DNAH2: variants seen among roughly 807,000 people sequenced by gnomAD.
DNAH2 encodes the protein dynein axonemal heavy chain 2.
A neutral mutation model predicts 523.5 loss-of-function variants in DNAH2; 323 were observed. The observed-to-expected ratio is 0.62, with a 90% confidence interval of 0.56 to 0.68. The LOEUF is 0.68. DNAH2 is among the 30% of genes least tolerant of loss of function. The probability of loss-of-function intolerance (pLI) is 0.00; values close to 1 mark genes in which losing one functional copy is unlikely to be tolerated. For missense variants in DNAH2, 4,907 were observed against 5,701.5 expected (o/e 0.86, Z 4.49); for synonymous variants, 2,093 against 2,177.4 (o/e 0.96, Z 1.08).
chr17:7,820,851 C>T (rs2077831423), intron 72 of DNAH2, among the ~76,000 whole-genome samples: 1 of 152,118 alleles, frequency 6.6e-6, no homozygotes, highest in Non-Finnish European at 1.5e-5. Context: ...ACCAGACTGC[C>T]AACATGGTGA....
chr17:7,721,955 A>G (rs1359839033), intron 2 of DNAH2, among the ~76,000 whole-genome samples: 2 of 152,160 alleles, frequency 1.3e-5, no homozygotes, highest in Admixed American at 1.3e-4. Flanking sequence ...TAACCTCAGT[A>G]CTAACCGCCT....
In DNAH2 at chr17:7,758,540, G is replaced by T; in HGVS notation, c.2097G>T (p.Glu699Asp). 6.2e-7 allele frequency: 1 copy of T among 1,614,094 alleles called. No homozygotes were observed. The highest frequency in any genetic ancestry group is 1.1e-5 in the South Asian group (1 of 91,066). The change falls in exon 14 of 86, where the codon GAG becomes GAT. Residue 699 changes from glutamate (E) to aspartate (D), a missense_variant. By Grantham distance (45) the Glu-to-Asp change is conservative. This residue lies in a region of DNAH2 where 2,806 missense variants were observed against 3,190.8 expected (regional missense o/e 0.88). Transcript: ENST00000572933. Reference protein sequence around the residue: ...LSPDEQALFKERIRLLDKKIH... With the variant: ...LSPDEQALFKDRIRLLDKKIH... ...CAGATGAGCAGGCCCTATTCAAAGA[G>T]CGTATTCGGCTCCTGGATAAGAAGA...
chr17:7,758,178 A>G lies in DNAH2; in HGVS notation c.2052-317A>G, dbSNP rs138674201. Among the ~76,000 whole-genome samples, 546 of 152,282 alleles carry G rather than the reference A, an allele frequency of 3.6e-3. 3 individuals carry two copies. The highest frequency in any genetic ancestry group is 0.012 in the African/African-American group (515 of 41,556). On this transcript the variant is annotated intron_variant, in intron 13 of 85. Coordinates refer to ENST00000572933, the MANE Select transcript of DNAH2 (RefSeq NM_020877.5). Reference sequence around the variant, plus strand: ...AATAAACTTAAAAATTTGATTACTCATTGGTACAGGCCACATTTCAAATGC... The same window carrying G: ...AATAAACTTAAAAATTTGATTACTCGTTGGTACAGGCCACATTTCAAATGC...
intron 31 of DNAH2, 52 bp from the exon 32 acceptor site, chr17:7,776,727 G>A: frequency 2.8e-6 from 4 of 1,452,730 alleles, no homozygotes; most frequent in East Asian, 4.7e-5. Flanking sequence ...GAGCTGGGCT[G>A]TGCGTGTAGC....
rs71387992 is a variant in DNAH2 at position 7,725,425 on chromosome 17, A to AATATATATATATATAT, written c.229-1696_229-1681dup. ...TTTTATTTGTATTTGACTTCAAGTG[A>AATATATATATATATAT]ATATATATATATATATTTTCTTTTT... On this transcript the variant is annotated intron_variant, in intron 3 of 85. Transcript: ENST00000572933. 6.9e-4 allele frequency among the ~76,000 whole-genome samples: 86 copies of AATATATATATATATAT among 124,934 alleles called. 1 individual carries two copies. The highest frequency in any genetic ancestry group is 1.0e-3 in the Admixed American group (13 of 12,510). 82.0% of individuals were successfully genotyped at this position (124,934 alleles called of 152,430 possible).
intron 18 of DNAH2, among the ~76,000 whole-genome samples, chr17:7,762,884 TCAAA>T (rs1367198080): frequency 6.9e-6 from 1 of 143,970 alleles, no homozygotes; most frequent in Non-Finnish European, 1.5e-5. Flanking sequence ...AAACCGAGAC[TCAAA>T]CAGTTAAAAA....
rs2075986887 is a variant in DNAH2, at chr17:7,760,902, C to T, written c.2948C>T (p.Pro983Leu). 1 of 1,614,042 alleles carries T rather than the reference C, an allele frequency of 6.2e-7. No homozygotes were observed. Among genetic ancestry groups the T allele is most frequent in the African/African-American group, 1.3e-5 (1 of 74,926 alleles). Residue 983 changes from proline (P) to leucine (L), a missense_variant, in exon 18 of 86, where the codon CCT (proline) becomes CTT (leucine). Physicochemically the swap from Pro to Leu is moderately conservative, Grantham distance 98. This residue lies in a region of DNAH2 where 2,806 missense variants were observed against 3,190.8 expected (regional missense o/e 0.88). Transcript: ENST00000572933. This position sits in a 1 kb window ranked among gnomAD's most constrained non-coding sequence, Gnocchi z 4.0. ...CATCGCTACCAGCGCCTCAACCCTCCTGTCTCTTCTTTTGTTGCCGACATT... is the reference window on the plus strand; with the variant it reads ...CATCGCTACCAGCGCCTCAACCCTCTTGTCTCTTCTTTTGTTGCCGACATT... Reference protein sequence around the residue: ...FIHRYQRLNPPVSSFVADIAR... With the variant: ...FIHRYQRLNPLVSSFVADIAR...
At position 7,718,685 on chromosome 17, in the gene DNAH2, G is replaced by C. The variant is rs2074497690; in HGVS notation, c.-129G>C. On this transcript the variant is annotated 5_prime_UTR_variant, in exon 1 of 86. It removes an upstream start codon present in the reference 5' UTR. Transcript: ENST00000572933. ...TCAGGGCATTTTGAGTCAAATAAAT[G>C]ATCCTGACTGATCTTAACCATTAGC... 1 of 152,662 alleles carries C rather than the reference G, an allele frequency of 6.6e-6. No individual in the cohort carries two copies. Among genetic ancestry groups the C allele is most frequent in the Non-Finnish European group, 1.5e-5 (1 of 68,056 alleles). The allele number at this position is 152,662 out of a possible 1,614,324, so 9.5% of individuals were successfully genotyped here.
At position 7,765,570 on chromosome 17, in the gene DNAH2, T is replaced by C. The variant is rs375042278; in HGVS notation, c.3511+5T>C. The C allele has an allele frequency of 6.2e-7, 1 of 1,610,070 alleles. No individual in the cohort carries two copies. Among genetic ancestry groups the C allele is most frequent in the African/African-American group, 1.3e-5 (1 of 74,966 alleles). On this transcript the variant is annotated splice_donor_5th_base_variant and intron_variant, in intron 21 of 85. Coordinates refer to ENST00000572933, the MANE Select transcript of DNAH2 (RefSeq NM_020877.5). ...TGGAAGATTTCGAATTCAAAGGTAC[T>C]CCTTGATCCACCTCTCCCGCTTCTT...
chr17:7,733,173 G>A lies in DNAH2; in HGVS notation c.486G>A (p.Thr162=), dbSNP rs948458218. The part of the protein sequence containing the change: ...ENFEATVQFG[T]VRGPYIPALL... ...TCGAGGCAACTGTGCAGTTTGGGAC[G>A]GTGCGGGGCCCCTATATCCCGGCCC... Residue 162 remains threonine, a synonymous_variant, in exon 5 of 86, where the codon ACG becomes ACA. Coordinates refer to ENST00000572933, the MANE Select transcript of DNAH2 (RefSeq NM_020877.5). 8.1e-6 allele frequency: 13 copies of A among 1,614,078 alleles called. No individual in the cohort carries two copies. Among genetic ancestry groups the A allele is most frequent in the Admixed American group, 1.7e-5 (1 of 59,994 alleles).
At chr17:7,801,307 G>A (rs2077216861) in intron 56 of DNAH2, among the ~76,000 whole-genome samples, 1 of 152,140 alleles carries the variant, frequency 6.6e-6, no homozygotes, top group Non-Finnish European at 1.5e-5. Flanking sequence ...TCCCATTTTA[G>A]AGACGAGGAA....
chr17:7,818,129 G>T, intron 68 of DNAH2, 33 bp downstream of exon 68: 1 of 1,608,182 alleles, frequency 6.2e-7, no homozygotes, highest in Non-Finnish European at 8.5e-7. Flanking sequence ...AGCCAAGTGG[G>T]ATGCTAGGGA....
chr17:7,792,556 C>A (rs140921199), intron 46 of DNAH2, 101 bp from the exon 47 acceptor site: 2 of 1,101,242 alleles, frequency 1.8e-6, no homozygotes, highest in Non-Finnish European at 2.7e-6. Context: ...CACAGGAGGG[C>A]AGGGTGCTGA....
At chr17:7,765,215 G>A (rs372086100) in intron 20 of DNAH2, among the ~76,000 whole-genome samples, 176 bp from the exon 21 acceptor site, 2 of 129,574 alleles carry the variant, frequency 1.5e-5, no homozygotes, top group African/African-American at 5.6e-5. Flanking sequence ...CATCCTCCAC[G>A]CATGAGAGGG....
chr17:7,802,037 A>T lies in DNAH2; in HGVS notation c.8972+20A>T, dbSNP rs1030456093. ...TAAGAAGTATGAAGGGGGGCAGGGGATGTGCAGGGCCAGGGAGGCTGGTGT... is the reference window on the plus strand; with the variant it reads ...TAAGAAGTATGAAGGGGGGCAGGGGTTGTGCAGGGCCAGGGAGGCTGGTGT... On this transcript the variant is annotated intron_variant, in intron 58 of 85. Coordinates refer to ENST00000572933, the MANE Select transcript of DNAH2 (RefSeq NM_020877.5). 4 of 1,613,244 alleles carry T rather than the reference A, an allele frequency of 2.5e-6. No individual in the cohort carries two copies. The African/African-American group carries it at 4.0e-5, about 16-fold the overall frequency.
At chr17:7,721,502 T>C (rs995686957) in intron 2 of DNAH2, among the ~76,000 whole-genome samples, 8 of 152,084 alleles carry the variant, frequency 5.3e-5, no homozygotes, top group African/African-American at 1.9e-4. Context: ...GCCTGGAACC[T>C]GAATGCCAGC....
At chr17:7,722,807 C>T (rs960471813) in intron 2 of DNAH2, among the ~76,000 whole-genome samples, 6 of 152,054 alleles carry the variant, frequency 3.9e-5, no homozygotes, top group Admixed American at 3.9e-4. Context: ...TGAGCTGTTG[C>T]CACCTTTTGC....
chr17:7,798,463 T>C lies in DNAH2; in HGVS notation c.8399-95T>C. 1 of 1,556,068 alleles carries C rather than the reference T, an allele frequency of 6.4e-7. No individual in the cohort carries two copies. The highest frequency in any genetic ancestry group is 8.7e-7 in the Non-Finnish European group (1 of 1,152,680). ...GTGTAGGATGGTGTCGCGTGTATGC[T>C]GCGGGGCGGGGAGGGTTCCTAAATC... On this transcript the variant is annotated intron_variant, in intron 54 of 85. Coordinates refer to ENST00000572933, the MANE Select transcript of DNAH2 (RefSeq NM_020877.5). The surrounding 1 kb of genome is among the most constrained non-coding windows in gnomAD (Gnocchi z 5.5).
At chr17:7,830,092 G>C (rs1456547344) in intron 77 of DNAH2, among the ~76,000 whole-genome samples, 1 of 150,554 alleles carries the variant, frequency 6.6e-6, no homozygotes, top group Non-Finnish European at 1.5e-5. Context: ...CCCATACAAT[G>C]CCTATCTGTG....
Sources: allele counts gnomAD v4.1 joint callset (sites outside exome capture counted in the v4.1 genomes callset), GRCh38; gene constraint gnomAD v4.1.1; regional missense constraint gnomAD v4.1.1; non-coding constraint Gnocchi (gnomAD v3.1); transcripts MANE v1.5; gene names NCBI Gene and HGNC (gene_info 2026-07-23, HGNC 2026-07-21).